COL13A1: variants seen among roughly 807,000 people sequenced by gnomAD.
COL13A1 encodes collagen alpha-1(XIII) chain.
A neutral mutation model predicts 130.9 loss-of-function variants in COL13A1; 89 were observed. The ratio of observed to expected loss-of-function variants is 0.68; its 90% CI spans 0.57 to 0.81. COL13A1 has a LOEUF of 0.81. Among genes scored for constraint, COL13A1 ranks in the 30% least tolerant of loss-of-function variants. The pLI is 0.00. For synonymous variants in COL13A1, 402 were observed against 341.6 expected, an observed-to-expected ratio of 1.18 and a Z score of -1.95; for missense variants, 879 against 934.6, an observed-to-expected ratio of 0.94 and a Z score of 0.78.
At chr10:69,919,798 C>T (rs1006097535) in intron 21 of COL13A1, 71 bp downstream of exon 21, 2 of 398,550 alleles carry the variant, frequency 5.0e-6, no homozygotes, top group African/African-American at 4.1e-5. Flanking sequence ...TCTGGCCTTC[C>T]TCCATGGCTG....
In COL13A1 at chr10:69,839,178, A is replaced by G. The variant is rs113839133; in HGVS notation, c.364+16740A>G. 1.5e-3 allele frequency among the ~76,000 whole-genome samples: 224 copies of G among 152,224 alleles called. 1 individual carries two copies. The highest frequency in any genetic ancestry group is 5.1e-3 in the African/African-American group (210 of 41,502). On this transcript the variant is annotated intron_variant, in intron 2 of 40. Coordinates refer to ENST00000645393, the MANE Select transcript of COL13A1 (RefSeq NM_001368882.1). ...GGAGAGGTGACCCATTCATTCATTC[A>G]TTCGTTCGTTCGTTCGTTCAACAAA... is the stretch of plus-strand genomic sequence containing the variant.
chr10:69,859,850 C>A (rs1185338438), intron 2 of COL13A1, among the ~76,000 whole-genome samples: 1 of 152,242 alleles, frequency 6.6e-6, no homozygotes, highest in Non-Finnish European at 1.5e-5. Flanking sequence ...GCATCTCAGT[C>A]CCTCACTCAG....
At chr10:69,831,999 TGAC>T (rs1237628826) in intron 2 of COL13A1, among the ~76,000 whole-genome samples, 4 of 152,200 alleles carry the variant, frequency 2.6e-5, no homozygotes, top group African/African-American at 7.2e-5. Context: ...ATGATGGTGA[TGAC>T]GACATGAGTG....
chr10:69,826,020 G>A (rs1175811286), intron 2 of COL13A1, among the ~76,000 whole-genome samples: 3 of 152,212 alleles, frequency 2.0e-5, no homozygotes, highest in African/African-American at 7.2e-5. Flanking sequence ...CATTTGCACA[G>A]CATATGGCCT....
At chr10:69,896,156 G>A (rs1022995471) in intron 13 of COL13A1, among the ~76,000 whole-genome samples, 6 of 152,134 alleles carry the variant, frequency 3.9e-5, no homozygotes, top group Non-Finnish European at 8.8e-5. Context: ...TTTAAAAGCA[G>A]AGGAAACCCT....
chr10:69,805,138 C>A (rs1173514468), intron 1 of COL13A1, among the ~76,000 whole-genome samples: 1 of 152,068 alleles, frequency 6.6e-6, no homozygotes, highest in Admixed American at 6.6e-5. Context: ...GAGAGACGGG[C>A]AGCCCAGGTC....
chr10:69,820,924 T>C (rs1845919848), intron 1 of COL13A1, among the ~76,000 whole-genome samples: 1 of 152,158 alleles, frequency 6.6e-6, no homozygotes, highest in Non-Finnish European at 1.5e-5. Flanking sequence ...TTGTGAAGCT[T>C]TCTGACCTTC....
chr10:69,836,747 C>CGTGG (rs1850170882), intron 2 of COL13A1, among the ~76,000 whole-genome samples: 1 of 152,188 alleles, frequency 6.6e-6, no homozygotes, highest in Non-Finnish European at 1.5e-5. Flanking sequence ...TCCTCAGCCT[C>CGTGG]ATGGAGACCC....
chr10:69,868,316 C>A (rs2058730060), intron 3 of COL13A1, among the ~76,000 whole-genome samples: 1 of 152,220 alleles, frequency 6.6e-6, no homozygotes, highest in East Asian at 1.9e-4. Context: ...GTGGTGGCGG[C>A]GGCAATGGTT....
intron 17 of COL13A1, among the ~76,000 whole-genome samples, chr10:69,911,820 A>G (rs2063410179): frequency 6.6e-6 from 1 of 152,246 alleles, no homozygotes; most frequent in Non-Finnish European, 1.5e-5. Context: ...TAAGTCCCTC[A>G]GGGAGTTGGG....
At chr10:69,941,073 G>T in intron 35 of COL13A1, 50 bp downstream of exon 35, 1 of 1,612,974 alleles carries the variant, frequency 6.2e-7, no homozygotes, top group Non-Finnish European at 8.5e-7. Flanking sequence ...TCCACACCTG[G>T]CCTGTGATCC....
At chr10:69,952,748 G>T in intron 38 of COL13A1, 134 bp from the exon 39 acceptor site, 3 of 630,786 alleles carry the variant, frequency 4.8e-6, no homozygotes, top group South Asian at 2.5e-5. Flanking sequence ...AAATCCTACT[G>T]GGGAGAATAT....
intron 2 of COL13A1, among the ~76,000 whole-genome samples, chr10:69,826,535 C>G (rs566555125): frequency 1.3e-5 from 2 of 152,294 alleles, no homozygotes; most frequent in African/African-American, 4.8e-5. Flanking sequence ...GCCACAGCTG[C>G]CTTCCGGGTC....
At chr10:69,880,365 C>A in intron 6 of COL13A1, 138 bp from the exon 7 acceptor site, 1 of 710,410 alleles carries the variant, frequency 1.4e-6, no homozygotes, top group Non-Finnish European at 2.6e-6. Flanking sequence ...CCCCTGGCAT[C>A]CCTCTCCTGT....
intron 40 of COL13A1, among the ~76,000 whole-genome samples, chr10:69,958,420 C>T (rs1341348963): frequency 6.6e-6 from 1 of 152,192 alleles, no homozygotes; most frequent in East Asian, 1.9e-4. Flanking sequence ...TGGGACAATG[C>T]AGTGGTTACA....
At chr10:69,845,744 G>A (rs1458586161) in intron 2 of COL13A1, among the ~76,000 whole-genome samples, 1 of 152,002 alleles carries the variant, frequency 6.6e-6, no homozygotes, top group Non-Finnish European at 1.5e-5. Flanking sequence ...AATCAATTCT[G>A]ACCTCACCTG....
intron 34 of COL13A1, among the ~76,000 whole-genome samples, chr10:69,938,903 C>T: frequency 6.6e-6 from 1 of 152,158 alleles, no homozygotes; most frequent in East Asian, 1.9e-4. Context: ...CTTCCTGCCC[C>T]ACTCAACCAC....
At chr10:69,833,475 T>C (rs924951898) in intron 2 of COL13A1, among the ~76,000 whole-genome samples, 3 of 152,186 alleles carry the variant, frequency 2.0e-5, no homozygotes, top group African/African-American at 7.2e-5. Flanking sequence ...GGCCCTGTGT[T>C]CAGTGCCGTG....
At chr10:69,925,280 G>C (rs2065203996) in intron 25 of COL13A1, among the ~76,000 whole-genome samples, 1 of 152,218 alleles carries the variant, frequency 6.6e-6, no homozygotes, top group Non-Finnish European at 1.5e-5. Context: ...TTATGTATTA[G>C]TCTCACGCTC....
Sources: gnomAD v4.1 joint callset for allele counts (sites outside exome capture counted in the v4.1 genomes callset) on GRCh38, gnomAD v4.1.1 for gene constraint, MANE v1.5 for transcripts, NCBI Gene and HGNC (gene_info 2026-07-23, HGNC 2026-07-21) for gene names.